SELE: variants seen among roughly 807,000 people sequenced by gnomAD.
SELE encodes the protein selectin E.
A neutral mutation model predicts 75.8 loss-of-function variants in SELE; 52 were observed. The observed-to-expected ratio is 0.69, with a 90% confidence interval of 0.55 to 0.86. SELE has a LOEUF of 0.86. SELE is among the 40% of genes least tolerant of loss of function. The probability of loss-of-function intolerance (pLI) is 0.00; values close to 1 mark genes in which losing one functional copy is unlikely to be tolerated. For missense variants in SELE, 754 were observed against 732.7 expected (o/e 1.03, Z -0.34); for synonymous variants, 285 against 258.7 (o/e 1.10, Z -0.98).
chr1:169,726,121 G>T (rs939853409), intron 11 of SELE, among the ~76,000 whole-genome samples, 193 bp from the exon 12 acceptor site: 5 of 152,168 alleles, frequency 3.3e-5, no homozygotes, highest in Admixed American at 1.3e-4. Context: ...CATCCAAAGG[G>T]CATAGCAGCT....
rs921137501 is a variant in SELE, at chr1:169,732,607, C to A, written c.421+8G>T. On this transcript the variant is annotated splice_region_variant and intron_variant, in intron 3 of 13. Transcript: ENST00000333360. ...AACTACCTCCCACTGCTGCCGCAAA[C>A]TCCCTACCTGTGTAGCATAGGGCAA... The A allele has an allele frequency of 6.4e-7, 1 of 1,561,038 alleles. No individual in the cohort carries two copies. Among genetic ancestry groups the A allele is most frequent in the South Asian group, 1.2e-5 (1 of 80,890 alleles).
chr1:169,725,461 A>G (rs1164559041), intron 13 of SELE, among the ~76,000 whole-genome samples: 1 of 152,150 alleles, frequency 6.6e-6, no homozygotes, highest in Non-Finnish European at 1.5e-5. Flanking sequence ...CTAGCTTAGA[A>G]AAATTCCCAG....
intron 13 of SELE, among the ~76,000 whole-genome samples, chr1:169,725,319 G>A (rs1391548356): frequency 1.3e-5 from 2 of 151,668 alleles, no homozygotes; most frequent in African/African-American, 2.4e-5. Context: ...GGAGGTGGAG[G>A]TTGCAGTGAG....
chr1:169,732,373 T>C (rs1420763973), intron 3 of SELE, among the ~76,000 whole-genome samples: 1 of 146,572 alleles, frequency 6.8e-6, no homozygotes, highest in Admixed American at 6.8e-5. Flanking sequence ...CTGTAGGCTA[T>C]ATATATATAC....
chr1:169,733,527 T>C lies in SELE; in HGVS notation c.37+49A>G. 6 of 1,570,300 alleles carry C rather than the reference T, an allele frequency of 3.8e-6. No homozygotes were observed. The Middle Eastern group carries it at 6.7e-4, about 176-fold the overall frequency. The stretch of plus-strand genomic sequence containing the variant: ...CAAGCAAGGATATTTCAGTCTGAAA[T>C]ATCTATAGTGCGAGAATGAGAAATC... On this transcript the variant is annotated intron_variant, in intron 2 of 13. Coordinates refer to ENST00000333360, the MANE Select transcript of SELE (RefSeq NM_000450.2).
rs1558013389 is a variant in SELE at position 169,727,368 on chromosome 1, G to A, written c.1626C>T (p.Gly542=). ...CATCACCTTCACAGGTAGGTAGCAG[G>A]CCAGACCAGTGTCCTGTGGCTCCAC... The part of the protein sequence containing the change: ...RTCGATGHWS[G]LLPTCEAPTE... The change falls in exon 10 of 14, where the codon GGC becomes GGT. Residue 542 remains glycine (G), a synonymous_variant. Transcript: ENST00000333360. 4 of 1,613,866 alleles carry A rather than the reference G, an allele frequency of 2.5e-6. No homozygotes were observed. The highest frequency in any genetic ancestry group is 3.3e-4 in the Middle Eastern group (2 of 6,058).
In SELE at chr1:169,732,806, A is replaced by G. The variant is rs747026850; in HGVS notation, c.230T>C (p.Val77Ala). The part of the protein sequence containing the change: ...PSYYWIGIRK[V>A]NNVWVWVGTQ... ...TCCTACCCAGACCCACACATTGTTG[A>G]CTTTTCTGATTCCAATCCAGTAATA... The change falls in exon 3 of 14, where the codon GTC becomes GCC. Residue 77 changes from valine (V) to alanine (A), a missense_variant. Val to Ala is a moderately conservative substitution (Grantham distance 64). Coordinates refer to ENST00000333360, the MANE Select transcript of SELE (RefSeq NM_000450.2). 2 of 1,614,072 alleles carry G rather than the reference A, an allele frequency of 1.2e-6. No homozygotes were observed. Among genetic ancestry groups the G allele is most frequent in the East Asian group, 2.2e-5 (1 of 44,872 alleles).
chr1:169,732,526 C>A, intron 3 of SELE, 89 bp downstream of exon 3: 1 of 1,445,482 alleles, frequency 6.9e-7, no homozygotes, highest in Non-Finnish European at 9.2e-7. Context: ...ATAAAATGAC[C>A]ACAATAGAGA....
rs372454290 is a variant in SELE at position 169,727,399 on chromosome 1, C to G, written c.1595G>C (p.Arg532Pro). Residue 532 changes from arginine (R) to proline (P), a missense_variant, in exon 10 of 14, where the codon CGG (arginine) becomes CCG (proline). Arg to Pro is a moderately radical substitution (Grantham distance 103, BLOSUM62 -2). Transcript: ENST00000333360. The part of the protein sequence containing the change: ...EGWTLNGSAA[R>P]TCGATGHWSG... Reference sequence around the variant, plus strand: ...CCAGTGTCCTGTGGCTCCACATGTCCGAGCTGCAGAGCCATTGAGCGTCCA... The same window carrying G: ...CCAGTGTCCTGTGGCTCCACATGTCGGAGCTGCAGAGCCATTGAGCGTCCA... The G allele has an allele frequency of 3.7e-6, 6 of 1,613,982 alleles. No homozygotes were observed.
In SELE at chr1:169,732,617, G is replaced by A; in HGVS notation, c.419C>T (p.Thr140Ile). 1.9e-6 allele frequency: 3 copies of A among 1,587,422 alleles called. No homozygotes were observed. The highest frequency in any genetic ancestry group is 2.3e-5 in the South Asian group (2 of 85,378). ...CACTGCTGCCGCAAACTCCCTACCT[G>A]TGTAGCATAGGGCAAGCTTCTTCTT... ...CSKKKLALCY[T>I]AACTNTSCSG... The change falls in exon 3 of 14, where the codon ACA (threonine) becomes ATA (isoleucine). Residue 140 changes from threonine (T) to isoleucine (I), a missense_variant and splice_region_variant. By Grantham distance (89) the Thr-to-Ile change is moderately conservative. Transcript: ENST00000333360.
chr1:169,730,182 G>T (rs1392054899), intron 5 of SELE, among the ~76,000 whole-genome samples: 1 of 152,054 alleles, frequency 6.6e-6, no homozygotes. Flanking sequence ...GAGCTTTATT[G>T]TTTTATGGTC....
In SELE at chr1:169,728,222, T is replaced by G. The variant is rs1283678571; in HGVS notation, c.1115A>C (p.Asn372Thr). Residue 372 changes from asparagine (N) to threonine (T), a missense_variant, in exon 8 of 14, where the codon AAC becomes ACC. Transcript: ENST00000333360. ...CEAFQCTALS[N>T]PERGYMNCLP... ...ACAATTCATGTAGCCTCGCTCGGGG[T>G]TGGACAAGGCTGTGCACTGGAAAGC... 1.2e-6 allele frequency: 2 copies of G among 1,613,816 alleles called. No individual in the cohort carries two copies. Among genetic ancestry groups the G allele is most frequent in the African/African-American group, 2.7e-5 (2 of 74,872 alleles).
At position 169,727,418 on chromosome 1, in the gene SELE, G is replaced by A. The variant is rs1648802021; in HGVS notation, c.1576C>T (p.Leu526Phe). The change falls in exon 10 of 14, where the codon CTC becomes TTC. Residue 526 changes from leucine (L) to phenylalanine (F), a missense_variant. Coordinates refer to ENST00000333360, the MANE Select transcript of SELE (RefSeq NM_000450.2). ...CKFACPEGWT[L>F]NGSAARTCGA... is the part of the protein sequence containing the mutation. Reference sequence around the variant, plus strand: ...CATGTCCGAGCTGCAGAGCCATTGAGCGTCCATCCTTCAGGACAGGCGAAC... The same window carrying A: ...CATGTCCGAGCTGCAGAGCCATTGAACGTCCATCCTTCAGGACAGGCGAAC... 1.9e-6 allele frequency: 3 copies of A among 1,614,144 alleles called. No individual in the cohort carries two copies. The East Asian group carries it at 6.7e-5, about 36-fold the overall frequency.
Position 169,732,703 on chromosome 1 carries a change from G to T in SELE, c.333C>A (p.Cys111Ter), listed in dbSNP as rs375315900. 3.1e-6 allele frequency: 5 copies of T among 1,613,766 alleles called. No individual in the cohort carries two copies. The South Asian group carries it at 3.3e-5, about 11-fold the overall frequency. The change falls in exon 3 of 14, where the codon TGC (cysteine) becomes TGA (stop). Residue 111 changes from cysteine to a stop codon, truncating the protein, a stop_gained. Transcript: ENST00000333360. LOFTEE classifies it high-confidence loss of function. ...TTTCTCTCTTGATGTAGATCTCCAC[G>T]CAGTCCTCATCTTTTTGCCTATTGT... Reference protein sequence around the residue: ...EPNNRQKDEDCVEIYIKREKD... With the variant: ...EPNNRQKDED
In SELE at chr1:169,727,800, T is replaced by C. The variant is rs763519377; in HGVS notation, c.1407A>G (p.Gly469=). The stretch of plus-strand genomic sequence containing the variant: ...GAGATGTGCACTCAAGTTGAGTTGA[T>C]CCATGTAATTCAAATCCCTCCTCAC... The part of the protein sequence containing the change: ...FSCEEGFELH[G]STQLECTSQG... The change falls in exon 9 of 14, where the codon GGA becomes GGG. Residue 469 remains glycine (G), a synonymous_variant. Coordinates refer to ENST00000333360, the MANE Select transcript of SELE (RefSeq NM_000450.2). The C allele has an allele frequency of 1.2e-6, 2 of 1,614,130 alleles. No individual in the cohort carries two copies. Among genetic ancestry groups the C allele is most frequent in the Non-Finnish European group, 1.7e-6 (2 of 1,180,002 alleles).
At chr1:169,733,730 G>T in intron 1 of SELE, 70 bp from the exon 2 acceptor site, 2 of 988,800 alleles carry the variant, frequency 2.0e-6, no homozygotes, top group Middle Eastern at 2.1e-4. Context: ...ATTCTACCAT[G>T]ATGTTTAAGG....
rs1017799981 is a variant in SELE at position 169,722,671 on chromosome 1, T to C, written c.*1854A>G. The C allele has an allele frequency of 2.0e-5, 3 of 152,188 alleles. No individual in the cohort carries two copies. The highest frequency in any genetic ancestry group is 2.9e-5 in the Non-Finnish European group (2 of 68,034). 9.4% of individuals were successfully genotyped at this position (152,188 alleles called of 1,614,324 possible). On this transcript the variant is annotated 3_prime_UTR_variant, in exon 14 of 14. Coordinates refer to ENST00000333360, the MANE Select transcript of SELE (RefSeq NM_000450.2). Reference sequence around the variant, plus strand: ...TAAGCACATTTATTGTCAACCTTTATAGTGTTATGTCAAATAGGTCTGACA... The same window carrying C: ...TAAGCACATTTATTGTCAACCTTTACAGTGTTATGTCAAATAGGTCTGACA...
rs1041350666 is a variant in SELE, at chr1:169,727,239, C to A, written c.1645+110G>T. On this transcript the variant is annotated intron_variant, in intron 10 of 13. Coordinates refer to ENST00000333360, the MANE Select transcript of SELE (RefSeq NM_000450.2). ...CAACTTAATATTCACAACTTGTCAA[C>A]CTGGGCGAACTTTCTGGTTTGGATA... 8 of 1,221,406 alleles carry A rather than the reference C, an allele frequency of 6.5e-6. No individual in the cohort carries two copies. The Admixed American group carries it at 1.7e-4, about 27-fold the overall frequency. The allele number at this position is 1,221,406 out of a possible 1,614,324, so 75.7% of individuals were successfully genotyped here.
rs201278508 is a variant in SELE, at chr1:169,729,688, G to T, written c.716-15C>A. On this transcript the variant is annotated splice_polypyrimidine_tract_variant and intron_variant, in intron 5 of 13. Transcript: ENST00000333360. Reference sequence around the variant, plus strand: ...ACACTCAACCACTGAGGATTTTAAAGAGCACCATGAATTTTACAGAAGAAT... The same window carrying T: ...ACACTCAACCACTGAGGATTTTAAATAGCACCATGAATTTTACAGAAGAAT... 2 of 1,611,956 alleles carry T rather than the reference G, an allele frequency of 1.2e-6. No homozygotes were observed. Among genetic ancestry groups the T allele is most frequent in the South Asian group, 1.1e-5 (1 of 90,852 alleles).
Sources: gnomAD v4.1 joint callset for allele counts (sites outside exome capture counted in the v4.1 genomes callset) on GRCh38, gnomAD v4.1.1 for gene constraint, MANE v1.5 for transcripts, NCBI Gene and HGNC (gene_info 2026-07-23, HGNC 2026-07-21) for gene names.